Variants in NINL observed in about 807,000 individuals in gnomAD.
NINL encodes ninein-like protein.
Under a neutral mutation model 160.3 loss-of-function variants are expected in NINL, and 153 were observed. The ratio of observed to expected loss-of-function variants is 0.95; its 90% CI spans 0.84 to 1.09. The LOEUF is 1.09. NINL is among the 50% of genes least tolerant of loss of function. The probability of loss-of-function intolerance (pLI) is 0.00; values close to 1 mark genes in which losing one functional copy is unlikely to be tolerated. For missense variants in NINL, 1,829 were observed against 1,764.0 expected (o/e 1.04, Z -0.66); for synonymous variants, 800 against 734.8 (o/e 1.09, Z -1.43).
chr20:25,472,270 A>G (rs1396789466), intron 17 of NINL, among the ~76,000 whole-genome samples: 1 of 148,878 alleles, frequency 6.7e-6, no homozygotes, highest in African/African-American at 2.5e-5. Context: ...TGAGACATAA[A>G]GTGAAATGCT....
At chr20:25,550,752 TA>T (rs2064798139) in intron 1 of NINL, among the ~76,000 whole-genome samples, 1 of 152,214 alleles carries the variant, frequency 6.6e-6, no homozygotes, top group Non-Finnish European at 1.5e-5. Flanking sequence ...CCTCCAGCCA[TA>T]AGGCGGTTTT....
intron 11 of NINL, among the ~76,000 whole-genome samples, chr20:25,491,052 G>A (rs2063621055): frequency 6.6e-6 from 1 of 152,248 alleles, no homozygotes; most frequent in African/African-American, 2.4e-5. Flanking sequence ...TTCTGGGGTT[G>A]AAGCAGTGCT....
At chr20:25,496,856 G>C in intron 9 of NINL, 53 bp from the exon 10 acceptor site, 1 of 1,598,950 alleles carries the variant, frequency 6.3e-7, no homozygotes, top group Non-Finnish European at 8.5e-7. Flanking sequence ...GGCCTGACCC[G>C]CCATGCCAGG....
chr20:25,500,324 CCAG>C (rs2063842485), intron 8 of NINL, among the ~76,000 whole-genome samples: 1 of 152,204 alleles, frequency 6.6e-6, no homozygotes, highest in African/African-American at 2.4e-5. Flanking sequence ...CCAGGCAGCC[CCAG>C]CAGAACACGG....
At chr20:25,467,545 TG>T (rs2062946310) in intron 18 of NINL, 87 bp from the exon 19 acceptor site, 1 of 1,021,284 alleles carries the variant, frequency 9.8e-7, no homozygotes, top group Admixed American at 1.7e-5. Context: ...AAGAGCAGCA[TG>T]GGGGTTTGTA....
intron 1 of NINL, among the ~76,000 whole-genome samples, chr20:25,559,535 A>G (rs2064907748): frequency 1.3e-5 from 2 of 151,726 alleles, no homozygotes; most frequent in African/African-American, 4.8e-5. Context: ...CACCTCACCC[A>G]GCTGGGAGGG....
intron 1 of NINL, among the ~76,000 whole-genome samples, chr20:25,553,104 G>GTTTTTTTTTTTTTTTTT (rs3036846): frequency 1.0e-5 from 1 of 100,120 alleles, no homozygotes. Flanking sequence ...CCCTTGTTGG[G>GTTTTTTTTTTTTTTTTT]TTTTTTTTTT....
At position 25,479,194 on chromosome 20, in the gene NINL, C is replaced by T. The variant is rs759264606; in HGVS notation, c.1930G>A (p.Glu644Lys). 17 of 1,606,262 alleles carry T rather than the reference C, an allele frequency of 1.1e-5. No homozygotes were observed. Among genetic ancestry groups the T allele is most frequent in the Admixed American group, 8.5e-5 (5 of 59,124 alleles). ...TQLETKVNYYEREIAALKRNF... is the reference protein window; with the variant it reads ...TQLETKVNYYKREIAALKRNF... ...CTTTTCAGTGCCGCAATTTCCCTTT[C>T]GTAGTAATTTACCTAAAACGAGAAA... Residue 644 changes from glutamate to lysine, a missense_variant, in exon 16 of 24, where the codon GAA becomes AAA. By Grantham distance (56) the Glu-to-Lys change is moderately conservative (BLOSUM62 1). Transcript: ENST00000278886.
At chr20:25,524,923 A>G (rs6138594) in intron 2 of NINL, among the ~76,000 whole-genome samples, 32,463 of 132,866 alleles carry the variant, frequency 0.24, 3,861 homozygotes, top group South Asian at 0.38. Flanking sequence ...ATATATATAT[A>G]TGTGTGTGTA....
chr20:25,470,552 T>C (rs576608436), intron 17 of NINL, among the ~76,000 whole-genome samples: 1 of 152,068 alleles, frequency 6.6e-6, no homozygotes, highest in Non-Finnish European at 1.5e-5. Context: ...CTCTGCTAGG[T>C]GAATCTCAAA....
chr20:25,525,559 C>T (rs989406569), intron 2 of NINL, among the ~76,000 whole-genome samples: 2 of 151,926 alleles, frequency 1.3e-5, no homozygotes, highest in Non-Finnish European at 2.9e-5. Flanking sequence ...GGGACTGAGG[C>T]GGGAGGATTG....
intron 2 of NINL, among the ~76,000 whole-genome samples, chr20:25,524,562 C>A (rs190843878): frequency 6.6e-6 from 1 of 152,286 alleles, no homozygotes; most frequent in East Asian, 1.9e-4. Flanking sequence ...AGCCTCAGGC[C>A]TCCTGAAAGG....
At position 25,462,538 on chromosome 20, in the gene NINL, G is replaced by A; in HGVS notation, c.3427C>T (p.Gln1143Ter). 6.3e-7 allele frequency: 1 copy of A among 1,599,166 alleles called. No homozygotes were observed. The highest frequency in any genetic ancestry group is 8.5e-7 in the Non-Finnish European group (1 of 1,175,384). Residue 1143 changes from glutamine (Q) to a stop codon, truncating the protein, a stop_gained, in exon 20 of 24, where the codon CAG (glutamine) becomes TAG (stop). Coordinates refer to ENST00000278886, the MANE Select transcript of NINL (RefSeq NM_025176.6). LOFTEE classifies it high-confidence loss of function. ...TGGGATAATTGATCCTTGTAGTTCT[G>A]ATTCTGGGGGAAAAAGTTTTTAAAT... ...SEMEVLNRQN[Q>*]NYKDQLSQLN... is the part of the protein sequence containing the mutation.
At chr20:25,556,679 T>C (rs1169750541) in intron 1 of NINL, among the ~76,000 whole-genome samples, 1 of 151,706 alleles carries the variant, frequency 6.6e-6, no homozygotes, top group Non-Finnish European at 1.5e-5. Context: ...TGGTGGTATA[T>C]GCCTATGATC....
At chr20:25,559,675 A>G (rs1380874118) in intron 1 of NINL, among the ~76,000 whole-genome samples, 1 of 152,026 alleles carries the variant, frequency 6.6e-6, no homozygotes, top group Non-Finnish European at 1.5e-5. Flanking sequence ...ATCAGAGCTA[A>G]TTGCAGCCTT....
intron 9 of NINL, among the ~76,000 whole-genome samples, chr20:25,497,813 C>CATG (rs1225780380): frequency 6.6e-6 from 1 of 152,194 alleles, no homozygotes; most frequent in Non-Finnish European, 1.5e-5. Flanking sequence ...GGGGGGACCT[C>CATG]ATGTCTGTCC....
chr20:25,480,056 G>A, intron 15 of NINL, 105 bp downstream of exon 15: 2 of 808,186 alleles, frequency 2.5e-6, no homozygotes, highest in Non-Finnish European at 4.3e-6. Context: ...ATGAGACAAA[G>A]GATTCCAGGG....
chr20:25,528,637 T>C (rs980299854), intron 1 of NINL, among the ~76,000 whole-genome samples: 1 of 152,176 alleles, frequency 6.6e-6, no homozygotes, highest in Non-Finnish European at 1.5e-5. Context: ...AGAACACTTT[T>C]GTAAGTAGAA....
intron 19 of NINL, among the ~76,000 whole-genome samples, chr20:25,464,726 A>G (rs1359827636): frequency 6.6e-6 from 1 of 152,196 alleles, no homozygotes; most frequent in African/African-American, 2.4e-5. Flanking sequence ...CGAGCCTGGC[A>G]GCATCCTTCC....
Sources: gnomAD v4.1 joint callset for allele counts (sites outside exome capture counted in the v4.1 genomes callset) on GRCh38, gnomAD v4.1.1 for gene constraint, MANE v1.5 for transcripts, NCBI Gene and HGNC (gene_info 2026-07-23, HGNC 2026-07-21) for gene names.